ABCB5: variants seen among roughly 807,000 people sequenced by gnomAD.
ABCB5 encodes the protein ATP binding cassette subfamily B member 5, also known as ATP-binding cassette sub-family B member 5.
ABCB5 carries 155 observed loss-of-function variants against 144.2 expected under a neutral mutation model. The ratio of observed to expected loss-of-function variants is 1.08; its 90% CI spans 0.94 to 1.23. The LOEUF (loss-of-function observed/expected upper bound fraction) is 1.23, where lower values mean the gene tolerates loss of function less well. Ranked by LOEUF, ABCB5 falls within the 50% of genes most tolerant of loss-of-function variation. The pLI is 0.00. For synonymous variants in ABCB5, 610 were observed against 528.6 expected (o/e 1.15, Z -2.11); for missense variants, 1,830 against 1,520.8 (o/e 1.20, Z -3.38).
chr7:20,684,982 A>T (rs1258409256), intron 15 of ABCB5, among the ~76,000 whole-genome samples: 1 of 152,160 alleles, frequency 6.6e-6, no homozygotes, highest in African/African-American at 2.4e-5. Context: ...ACCACATTCA[A>T]ATGAACAGAG....
chr7:20,662,493 T>C (rs1299559756), intron 14 of ABCB5, among the ~76,000 whole-genome samples: 1 of 152,128 alleles, frequency 6.6e-6, no homozygotes, highest in Non-Finnish European at 1.5e-5. Flanking sequence ...ACACACACAC[T>C]AATGCACACA....
At chr7:20,704,483 T>C (rs1786750721) in intron 19 of ABCB5, among the ~76,000 whole-genome samples, 2 of 152,208 alleles carry the variant, frequency 1.3e-5, no homozygotes, top group South Asian at 2.1e-4. Flanking sequence ...TTGATTATTA[T>C]ACTATATGTG....
chr7:20,753,864 TTAGTATGGGTAAA>T (rs1783005772), intron 27 of ABCB5, among the ~76,000 whole-genome samples: 1 of 151,980 alleles, frequency 6.6e-6, no homozygotes, highest in Non-Finnish European at 1.5e-5. Context: ...AATAAGGTAA[TTAGTATGGGTAAA>T]AGAGTAATCT....
intron 14 of ABCB5, among the ~76,000 whole-genome samples, chr7:20,679,497 G>C (rs1485770282): frequency 2.3e-5 from 3 of 127,804 alleles, no homozygotes; most frequent in African/African-American, 8.9e-5. Flanking sequence ...GAGAGAGAGA[G>C]AGAAAGAGAG....
chr7:20,658,979 T>C (rs12700227), intron 14 of ABCB5: 155,180 of 1,460,038 alleles, frequency 0.11, 8,903 homozygotes, highest in East Asian at 0.19. Flanking sequence ...GGCCCACCAC[T>C]ATCATCACTA....
chr7:20,659,838 C>T, intron 14 of ABCB5: 1 of 913,856 alleles, frequency 1.1e-6, no homozygotes, highest in Non-Finnish European at 1.3e-6. Flanking sequence ...CGTGCATCAC[C>T]ACACCCAGCT....
rs1467781934 is a variant in ABCB5, at chr7:20,711,850, TTTCTTTCTTTCC to T, written c.2421+7047_2421+7058del. Reference sequence around the variant, plus strand: ...TTTCTTTCTTTCTTTCTTTCTTTTCTTTCTTTCTTTCCTTCCTCCCTCCCTCCCTCCCTCCCT... The same window carrying T: ...TTTCTTTCTTTCTTTCTTTCTTTTCTTTCCTCCCTCCCTCCCTCCCTCCCT... On this transcript the variant is annotated intron_variant, in intron 20 of 27. Coordinates refer to ENST00000404938, the MANE Select transcript of ABCB5 (RefSeq NM_001163941.2). Among the ~76,000 whole-genome samples the T allele has an allele frequency of 2.7e-4, 21 of 76,392 alleles. 2 individuals are homozygous for T. The highest frequency in any genetic ancestry group is 1.4e-3 in the East Asian group (1 of 700). The allele number at this position is 76,392 out of a possible 152,430, so 50.1% of individuals were successfully genotyped here. A position where few individuals can be genotyped will look rare whatever the true frequency, so the allele number is the denominator to read the frequency against.
chr7:20,750,950 A>G (rs1370549054), intron 26 of ABCB5, among the ~76,000 whole-genome samples: 2 of 152,060 alleles, frequency 1.3e-5, no homozygotes, highest in African/African-American at 2.4e-5. Flanking sequence ...TTCTCTACTA[A>G]TCTTCACAGT....
chr7:20,723,667 C>A (rs1193450746), intron 21 of ABCB5, among the ~76,000 whole-genome samples: 1 of 152,232 alleles, frequency 6.6e-6, no homozygotes, highest in Non-Finnish European at 1.5e-5. Flanking sequence ...GTACTAATGT[C>A]AGCCATTATT....
Position 20,647,610 on chromosome 7 carries a change from C to G in ABCB5, c.1057C>G (p.Arg353Gly), listed in dbSNP as rs150279505. Residue 353 changes from arginine to glycine, a missense_variant, in exon 10 of 28, where the codon CGA becomes GGA. Transcript: ENST00000404938. ...TCACTTTGAAACCTTCGCAATAGCC[C>G]GAGGAGCTGCCTTTCATATTTTCCA... ...VPHFETFAIARGAAFHIFQVI... is the reference protein window; with the variant it reads ...VPHFETFAIAGGAAFHIFQVI... 1 of 1,582,908 alleles carries G rather than the reference C, an allele frequency of 6.3e-7. No homozygotes were observed. The highest frequency in any genetic ancestry group is 8.6e-7 in the Non-Finnish European group (1 of 1,162,952).
At chr7:20,709,124 C>G (rs1757828330) in intron 20 of ABCB5, among the ~76,000 whole-genome samples, 1 of 152,156 alleles carries the variant, frequency 6.6e-6, no homozygotes, top group Non-Finnish European at 1.5e-5. Context: ...TAACTATGAG[C>G]AACTGTTCTC....
rs138448958 is a variant in ABCB5 at position 20,700,304 on chromosome 7, G to A, written c.2337+169G>A. 5.6e-3 allele frequency among the ~76,000 whole-genome samples: 858 copies of A among 152,222 alleles called. 8 individuals are homozygous for A. Among genetic ancestry groups the A allele is most frequent in the Middle Eastern group, 0.031 (9 of 294 alleles). On this transcript the variant is annotated intron_variant, in intron 19 of 27. Transcript: ENST00000404938. ...TCAGAAGTCTTATATTTTTCTAAAA[G>A]AAGCAAGTCCAAAAGTGTGACGTTA... is the stretch of plus-strand genomic sequence containing the variant.
chr7:20,631,758 A>T (rs1309373449), intron 4 of ABCB5, among the ~76,000 whole-genome samples: 1 of 152,130 alleles, frequency 6.6e-6, no homozygotes, highest in Non-Finnish European at 1.5e-5. Context: ...GGAATTTTAT[A>T]ACTATTACTT....
chr7:20,626,489 A>G (rs1783911962), intron 2 of ABCB5, 68 bp from the exon 3 acceptor site: 1 of 1,431,612 alleles, frequency 7.0e-7, no homozygotes, highest in Admixed American at 2.1e-5. Context: ...TCTGCAAACT[A>G]TTAATGGAAA....
At chr7:20,705,805 G>GT (rs111586365) in intron 20 of ABCB5, among the ~76,000 whole-genome samples, 5,847 of 142,228 alleles carry the variant, frequency 0.041, 309 homozygotes, top group African/African-American at 0.12. Flanking sequence ...GTTCTAAGTT[G>GT]TTTTTTTTTT....
At chr7:20,731,355 G>GAAAAAAAAAAAAAAAAA (rs869149519) in intron 23 of ABCB5, among the ~76,000 whole-genome samples, 1 of 127,874 alleles carries the variant, frequency 7.8e-6, no homozygotes, top group East Asian at 2.3e-4. Flanking sequence ...TCCAACTCAG[G>GAAAAAAAAAAAAAAAAA]AAAAAAAAAA....
intron 21 of ABCB5, among the ~76,000 whole-genome samples, chr7:20,726,407 G>C (rs1271191844): frequency 1.9e-5 from 2 of 105,884 alleles, no homozygotes; most frequent in African/African-American, 7.6e-5. Flanking sequence ...TCACTCTGTT[G>C]CCCAAGCTGG....
intron 17 of ABCB5, among the ~76,000 whole-genome samples, chr7:20,699,578 G>A (rs1251795880): frequency 1.3e-5 from 2 of 152,056 alleles, no homozygotes; most frequent in Non-Finnish European, 2.9e-5. Context: ...GTGCGCGCCT[G>A]TAATCCCAGC....
At chr7:20,650,502 T>C (rs911242564) in intron 12 of ABCB5, among the ~76,000 whole-genome samples, 2 of 151,998 alleles carry the variant, frequency 1.3e-5, no homozygotes, top group African/African-American at 4.8e-5. Flanking sequence ...CTGTACCCAG[T>C]ACCTATCAAG....
Sources: allele counts gnomAD v4.1 joint callset (sites outside exome capture counted in the v4.1 genomes callset), GRCh38; gene constraint gnomAD v4.1.1; transcripts MANE v1.5; gene names NCBI Gene and HGNC (gene_info 2026-07-23, HGNC 2026-07-21).